Variants in CSMD2 observed in about 807,000 individuals in gnomAD.
CSMD2 encodes the protein CUB and Sushi multiple domains 2.
Under a neutral mutation model 398.5 loss-of-function variants are expected in CSMD2, and 130 were observed. The observed-to-expected ratio is 0.33, with a 90% confidence interval of 0.28 to 0.38. CSMD2 has a LOEUF of 0.38. CSMD2 is among the 10% of genes least tolerant of loss of function. The pLI is 1.00. For missense variants in CSMD2, 3,829 were observed against 4,764.9 expected (o/e 0.80, Z 5.78); for synonymous variants, 1,828 against 1,908.5 (o/e 0.96, Z 1.10).
chr1:33,698,921 C>T lies in CSMD2; in HGVS notation c.3757G>A (p.Asp1253Asn). The T allele has an allele frequency of 6.2e-7, 1 of 1,613,940 alleles. No homozygotes were observed. The highest frequency in any genetic ancestry group is 8.5e-7 in the Non-Finnish European group (1 of 1,179,910). ...TAGCCAAACTTGGGGGTTCCTGGGTCCTCACATTTGATGAGTTCAAAGCCT... is the reference window on the plus strand; with the variant it reads ...TAGCCAAACTTGGGGGTTCCTGGGTTCTCACATTTGATGAGTTCAAAGCCT... ...FSSFELIKCE[D>N]PGTPKFGYKV... Residue 1253 changes from aspartate to asparagine, a missense_variant, in exon 24 of 71, where the codon GAC becomes AAC. Physicochemically the swap from Asp to Asn is conservative, Grantham distance 23. Around this residue, in one of 5 missense-constraint regions of CSMD2, gnomAD observed 2,001 missense variants for 2,567.1 expected, o/e 0.78. Coordinates refer to ENST00000373381, the MANE Select transcript of CSMD2 (RefSeq NM_001281956.2).
At chr1:33,979,099 T>A (rs1302865059) in intron 3 of CSMD2, among the ~76,000 whole-genome samples, 1 of 152,202 alleles carries the variant, frequency 6.6e-6, no homozygotes, top group African/African-American at 2.4e-5. Context: ...TGTTGCTTTG[T>A]GTGCCCATCT....
rs375756871 is a variant in CSMD2, at chr1:33,519,718, G to A, written c.10737-41C>T. 65 of 1,613,462 alleles carry A rather than the reference G, an allele frequency of 4.0e-5. No homozygotes were observed. The South Asian group carries it at 5.3e-4, about 13-fold the overall frequency. Reference sequence around the variant, plus strand: ...GAAGTGCCCACGGCATGAAAAGAGCGACACAGAGAGGCTTAGGGGTCTGGT... The same window carrying A: ...GAAGTGCCCACGGCATGAAAAGAGCAACACAGAGAGGCTTAGGGGTCTGGT... On this transcript the variant is annotated intron_variant, in intron 69 of 70. Coordinates refer to ENST00000373381, the MANE Select transcript of CSMD2 (RefSeq NM_001281956.2). The surrounding 1 kb of genome is among the most constrained non-coding windows in gnomAD (Gnocchi z 5.6).
At chr1:33,623,533 C>T (rs543407511) in intron 35 of CSMD2, 67 bp from the exon 36 acceptor site, 1 of 1,089,972 alleles carries the variant, frequency 9.2e-7, no homozygotes, top group Admixed American at 1.7e-5. Context: ...TCTGCTTTCC[C>T]TTTCTGCCCT....
At chr1:33,764,767 G>C (rs1340361348) in intron 13 of CSMD2, among the ~76,000 whole-genome samples, 1 of 152,180 alleles carries the variant, frequency 6.6e-6, no homozygotes, top group African/African-American at 2.4e-5. Flanking sequence ...ATTTGAAAAA[G>C]GCAATTTCCA....
intron 3 of CSMD2, among the ~76,000 whole-genome samples, chr1:33,953,986 T>G (rs970491961): frequency 2.0e-5 from 3 of 152,078 alleles, no homozygotes; most frequent in African/African-American, 7.2e-5. Context: ...CCCCATGCTA[T>G]CATGGTACCT....
At chr1:34,016,931 T>TC (rs961494732) in intron 3 of CSMD2, among the ~76,000 whole-genome samples, 7 of 152,206 alleles carry the variant, frequency 4.6e-5, no homozygotes, top group Non-Finnish European at 8.8e-5. Context: ...CAGTTTTTTT[T>TC]CACATATAAA....
intron 3 of CSMD2, among the ~76,000 whole-genome samples, chr1:33,984,774 C>A (rs958119084): frequency 1.3e-5 from 2 of 149,242 alleles, no homozygotes; most frequent in South Asian, 2.1e-4. Context: ...CAGAGTGAGA[C>A]CCTGTCAAAA....
chr1:33,771,580 A>G (rs967945287), intron 13 of CSMD2, among the ~76,000 whole-genome samples: 1 of 151,906 alleles, frequency 6.6e-6, no homozygotes, highest in Non-Finnish European at 1.5e-5. Flanking sequence ...TATCATCACC[A>G]TGGTTCATCC....
chr1:33,624,506 C>G lies in CSMD2; in HGVS notation c.5625+13G>C. The G allele has an allele frequency of 6.2e-7, 1 of 1,613,120 alleles. No homozygotes were observed. The highest frequency in any genetic ancestry group is 8.5e-7 in the Non-Finnish European group (1 of 1,179,544). Reference sequence around the variant, plus strand: ...CGGCCACCTGCCCGACCGAGGCGCCCCCTTGCCCCTACCTGGATGCCAGCG... The same window carrying G: ...CGGCCACCTGCCCGACCGAGGCGCCGCCTTGCCCCTACCTGGATGCCAGCG... On this transcript the variant is annotated intron_variant, in intron 35 of 70. Coordinates refer to ENST00000373381, the MANE Select transcript of CSMD2 (RefSeq NM_001281956.2). This position sits in a 1 kb window ranked among gnomAD's most constrained non-coding sequence, Gnocchi z 4.7.
At chr1:33,860,070 T>G (rs1371859462) in intron 5 of CSMD2, among the ~76,000 whole-genome samples, 1 of 152,332 alleles carries the variant, frequency 6.6e-6, no homozygotes, top group East Asian at 1.9e-4. Context: ...GGGTCATGCA[T>G]AAAAACTAAG....
At chr1:33,831,661 A>C (rs541677640) in intron 6 of CSMD2, among the ~76,000 whole-genome samples, 4 of 152,286 alleles carry the variant, frequency 2.6e-5, no homozygotes, top group South Asian at 2.1e-4. Flanking sequence ...ACACATAACA[A>C]TATTAACCTT....
intron 10 of CSMD2, among the ~76,000 whole-genome samples, chr1:33,798,089 GTTTC>G (rs1376525944): frequency 6.6e-6 from 1 of 151,972 alleles, no homozygotes; most frequent in East Asian, 1.9e-4. Context: ...TCTTTTTTTC[GTTTC>G]TTTTTTTCCT....
chr1:33,600,217 T>C (rs1306457879), intron 44 of CSMD2: 1 of 714,770 alleles, frequency 1.4e-6, no homozygotes, highest in Non-Finnish European at 2.6e-6. Context: ...CTTTCCTGAT[T>C]TCTGGTTAAA....
chr1:33,875,206 C>T (rs931435975), intron 5 of CSMD2, among the ~76,000 whole-genome samples: 4 of 152,108 alleles, frequency 2.6e-5, no homozygotes, highest in Admixed American at 1.3e-4. Flanking sequence ...TTGAGGTCTG[C>T]AGTGTGAAGA....
At chr1:33,966,218 C>A (rs1645552099) in intron 3 of CSMD2, among the ~76,000 whole-genome samples, 1 of 152,182 alleles carries the variant, frequency 6.6e-6, no homozygotes. Context: ...TTCTGCCAGC[C>A]CACCAGCAGT....
chr1:34,079,445 T>A (rs186609585), intron 2 of CSMD2, among the ~76,000 whole-genome samples: 51 of 152,312 alleles, frequency 3.3e-4, no homozygotes, highest in African/African-American at 1.1e-3. Flanking sequence ...ACAAATTTTT[T>A]AAAAAACCCA....
chr1:33,601,040 T>C (rs1158492128), intron 43 of CSMD2, 30 bp from the exon 44 acceptor site: 1 of 1,613,130 alleles, frequency 6.2e-7, no homozygotes, highest in Non-Finnish European at 8.5e-7. Flanking sequence ...TCCTGGCATG[T>C]CACTAGTCAC....
chr1:34,041,253 C>T (rs113097488), intron 2 of CSMD2, among the ~76,000 whole-genome samples: 29 of 152,282 alleles, frequency 1.9e-4, no homozygotes, highest in African/African-American at 4.1e-4. Flanking sequence ...GAATTTGGCT[C>T]GGATACAACT....
At chr1:33,606,063 T>C in intron 41 of CSMD2, 1 of 1,529,894 alleles carries the variant, frequency 6.5e-7, no homozygotes, top group South Asian at 1.3e-5. Flanking sequence ...AGCAAGTCCC[T>C]CCAAAGGGCA....
Sources: gnomAD v4.1 joint callset for allele counts (sites outside exome capture counted in the v4.1 genomes callset) on GRCh38, gnomAD v4.1.1 for gene constraint, gnomAD v4.1.1 regional missense constraint, Gnocchi (gnomAD v3.1) non-coding constraint, MANE v1.5 for transcripts, NCBI Gene and HGNC (gene_info 2026-07-23, HGNC 2026-07-21) for gene names.